Variants in NWD2 observed in about 807,000 individuals in gnomAD.
NWD2 encodes the protein NACHT and WD repeat domain containing 2.
Under a neutral mutation model 132.7 loss-of-function variants are expected in NWD2, and 37 were observed. The observed-to-expected ratio is 0.28, with a 90% CI of 0.21 to 0.37. NWD2 has a LOEUF of 0.37. Ranked by LOEUF, NWD2 falls within the 10% of genes least tolerant of loss-of-function variation. NWD2 has a pLI of 1.00. For missense variants in NWD2, 1,592 were observed against 2,122.4 expected (o/e 0.75, Z 4.91); for synonymous variants, 705 against 803.0 (o/e 0.88, Z 2.06).
chr4:37,323,856 C>CAAA (rs1560394947), intron 1 of NWD2, among the ~76,000 whole-genome samples: 1 of 53,924 alleles, frequency 1.9e-5, no homozygotes, highest in African/African-American at 8.0e-5. Context: ...TACTACACAG[C>CAAA]CAAAAAAAAA....
At chr4:37,259,188 C>A (rs572309012) in intron 1 of NWD2, among the ~76,000 whole-genome samples, 5 of 152,158 alleles carry the variant, frequency 3.3e-5, no homozygotes, top group Non-Finnish European at 7.3e-5. Flanking sequence ...GTTCTAGAAC[C>A]CTGAGTCTCC....
chr4:37,324,508 G>A (rs987987581), intron 1 of NWD2, among the ~76,000 whole-genome samples: 1 of 152,054 alleles, frequency 6.6e-6, no homozygotes, highest in Admixed American at 6.6e-5. Flanking sequence ...TGGAGCAAGG[G>A]AGGATGGGCA....
chr4:37,288,101 G>A (rs1303405455), intron 1 of NWD2, among the ~76,000 whole-genome samples: 1 of 152,146 alleles, frequency 6.6e-6, no homozygotes, highest in African/African-American at 2.4e-5. Context: ...GTAAGTGAGA[G>A]TTGAACATTG....
intron 2 of NWD2, among the ~76,000 whole-genome samples, chr4:37,330,109 A>G (rs1719261274): frequency 1.3e-5 from 2 of 152,188 alleles, no homozygotes; most frequent in Non-Finnish European, 2.9e-5. Flanking sequence ...TATACCTTTT[A>G]TCTATGTGCC....
chr4:37,432,617 T>C (rs1012767617), intron 4 of NWD2, among the ~76,000 whole-genome samples: 2 of 152,182 alleles, frequency 1.3e-5, no homozygotes, highest in Non-Finnish European at 2.9e-5. Flanking sequence ...GCATTTGTTT[T>C]CTGTGGGAGG....
intron 3 of NWD2, among the ~76,000 whole-genome samples, chr4:37,367,377 A>T (rs1720123343): frequency 6.6e-6 from 1 of 152,226 alleles, no homozygotes; most frequent in South Asian, 2.1e-4. Flanking sequence ...TAGAAAAAAC[A>T]GAAATCCATT....
intron 2 of NWD2, among the ~76,000 whole-genome samples, chr4:37,341,244 A>G (rs1220436045): frequency 6.6e-6 from 1 of 152,240 alleles, no homozygotes; most frequent in African/African-American, 2.4e-5. Flanking sequence ...GTAGTCTAAC[A>G]TAAGTGTTCT....
intron 3 of NWD2, among the ~76,000 whole-genome samples, chr4:37,371,190 G>A (rs1223845661): frequency 2.8e-5 from 4 of 141,278 alleles, no homozygotes; most frequent in Non-Finnish European, 6.0e-5. Context: ...CAATTCCCCT[G>A]CCTCCACCTC....
intron 1 of NWD2, among the ~76,000 whole-genome samples, chr4:37,255,853 G>A (rs1409403167): frequency 6.6e-6 from 1 of 152,152 alleles, no homozygotes; most frequent in East Asian, 1.9e-4. Context: ...TTACTATTGA[G>A]CCCAGAGAGT....
intron 5 of NWD2, among the ~76,000 whole-genome samples, chr4:37,436,722 A>G (rs1022871860): frequency 1.3e-5 from 2 of 152,076 alleles, no homozygotes; most frequent in Admixed American, 6.5e-5. Flanking sequence ...TGTTAATCCA[A>G]CCTGCTAGCA....
At chr4:37,437,041 T>C (rs1191244690) in intron 5 of NWD2, among the ~76,000 whole-genome samples, 1 of 152,168 alleles carries the variant, frequency 6.6e-6, no homozygotes, top group Non-Finnish European at 1.5e-5. Context: ...GAAAAAATAT[T>C]ATCACAAGAG....
intron 1 of NWD2, among the ~76,000 whole-genome samples, chr4:37,280,132 T>G (rs1183937250): frequency 6.6e-6 from 1 of 152,212 alleles, no homozygotes; most frequent in African/African-American, 2.4e-5. Flanking sequence ...TGAGACTGTT[T>G]TACCACAGGC....
At chr4:37,364,194 T>A (rs1447199633) in intron 3 of NWD2, among the ~76,000 whole-genome samples, 1 of 151,838 alleles carries the variant, frequency 6.6e-6, no homozygotes, top group African/African-American at 2.4e-5. Flanking sequence ...GCAACTAGAG[T>A]TTGAAAAGCT....
chr4:37,427,248 C>T (rs962980851), intron 3 of NWD2, among the ~76,000 whole-genome samples: 19 of 152,166 alleles, frequency 1.2e-4, no homozygotes, highest in African/African-American at 4.6e-4. Flanking sequence ...TTCGATGGCA[C>T]ATCCGAGCAT....
chr4:37,367,231 T>C (rs1262689258), intron 3 of NWD2, among the ~76,000 whole-genome samples: 2 of 152,134 alleles, frequency 1.3e-5, no homozygotes, highest in Non-Finnish European at 2.9e-5. Flanking sequence ...CTAAATAAAC[T>C]ATGGGTCAAA....
intron 3 of NWD2, among the ~76,000 whole-genome samples, chr4:37,395,302 CA>C (rs1488781824): frequency 1.3e-5 from 2 of 151,944 alleles, no homozygotes; most frequent in Admixed American, 6.6e-5. Flanking sequence ...GGGCTGAGCT[CA>C]ATTGAGGACA....
At chr4:37,423,719 A>G (rs1050925535) in intron 3 of NWD2, among the ~76,000 whole-genome samples, 3 of 152,196 alleles carry the variant, frequency 2.0e-5, no homozygotes, top group Non-Finnish European at 4.4e-5. Flanking sequence ...ATCCAGAAAC[A>G]ACATCACATA....
intron 2 of NWD2, among the ~76,000 whole-genome samples, chr4:37,335,464 C>A (rs767548339): frequency 7.9e-5 from 12 of 152,086 alleles, no homozygotes; most frequent in Non-Finnish European, 1.6e-4. Flanking sequence ...GTCCCTCCCC[C>A]ACTAACTGGG....
chr4:37,408,461 T>A lies in NWD2; in HGVS notation c.358-22111T>A, dbSNP rs186746333. On this transcript the variant is annotated intron_variant, in intron 3 of 6. Transcript: ENST00000309447. ...GCCCACTGCAGCTCAGCAAGGCTGC[T>A]ATGGCCAGACTGCCAGATTTTTCTT... Among the ~76,000 whole-genome samples, 36 of 152,308 alleles carry A rather than the reference T, an allele frequency of 2.4e-4. No individual in the cohort carries two copies. The East Asian group carries it at 6.4e-3, about 27-fold the overall frequency.
Sources: gnomAD v4.1 joint callset for allele counts (sites outside exome capture counted in the v4.1 genomes callset) on GRCh38, gnomAD v4.1.1 for gene constraint, MANE v1.5 for transcripts, NCBI Gene and HGNC (gene_info 2026-07-23, HGNC 2026-07-21) for gene names.